MAN2C1: variants seen among roughly 807,000 people sequenced by gnomAD.
The protein encoded by MAN2C1 is mannosidase alpha class 2C member 1, also known as alpha-mannosidase 2C1.
MAN2C1 carries 111 observed loss-of-function variants against 126.9 expected under a neutral mutation model. That is an observed-to-expected ratio of 0.87 (90% CI 0.75 to 1.02). The LOEUF (loss-of-function observed/expected upper bound fraction) is 1.02, where lower values mean the gene tolerates loss of function less well. MAN2C1 is among the 50% of genes least tolerant of loss of function. MAN2C1 has a pLI of 0.00. For synonymous variants in MAN2C1, 567 were observed against 561.5 expected (o/e 1.01, Z -0.14); for missense variants, 1,363 against 1,364.4 (o/e 1.00, Z 0.02).
intron 1 of MAN2C1, 23 bp from the exon 2 acceptor site, chr15:75,368,221 C>T (rs2072625247): frequency 6.3e-7 from 1 of 1,589,836 alleles, no homozygotes; most frequent in Non-Finnish European, 8.5e-7. Flanking sequence ...GGCCGGTGGG[C>T]ACATGCTGGA....
Position 75,360,133 on chromosome 15 carries a change from C to T in MAN2C1, c.1663G>A (p.Ala555Thr). The T allele has an allele frequency of 1.9e-6, 3 of 1,613,802 alleles. No individual in the cohort carries two copies. Among genetic ancestry groups the T allele is most frequent in the Non-Finnish European group, 2.5e-6 (3 of 1,180,014 alleles). ...LLSSLALARS[A>T]QFLYPAAQLQ... ...TGGGCTGCTGGGTATAGGAACTGGG[C>T]ACTGCGGGCCAGGGCCAGGCTACTG... Residue 555 changes from alanine (A) to threonine (T), a missense_variant, in exon 14 of 26, where the codon GCC (alanine) becomes ACC (threonine). Physicochemically the swap from Ala to Thr is moderately conservative, Grantham distance 58. Coordinates refer to ENST00000267978, the MANE Select transcript of MAN2C1 (RefSeq NM_006715.4).
intron 6 of MAN2C1, chr15:75,363,302 T>C (rs1193650272): frequency 4.4e-6 from 2 of 455,960 alleles, no homozygotes; most frequent in Admixed American, 2.4e-5. Context: ...TTGTTAAAAA[T>C]GTGGATTTCC....
chr15:75,359,545 C>T (rs980966868), intron 16 of MAN2C1, 75 bp downstream of exon 16: 26 of 1,586,190 alleles, frequency 1.6e-5, no homozygotes, highest in African/African-American at 1.1e-4. Context: ...CCAGATCCCT[C>T]GGGGTATCCC....
chr15:75,367,896 T>C, intron 2 of MAN2C1, 177 bp downstream of exon 2: 1 of 994,918 alleles, frequency 1.0e-6, no homozygotes, highest in Non-Finnish European at 1.4e-6. Flanking sequence ...AACCATCCCC[T>C]GAAGACCCAG....
At chr15:75,357,220 T>G in intron 21 of MAN2C1, 1 of 254,112 alleles carries the variant, frequency 3.9e-6, no homozygotes, top group South Asian at 5.7e-5. Flanking sequence ...CTCGGCTCAC[T>G]GCAACCTCCG....
chr15:75,366,393 CAAT>C, intron 4 of MAN2C1, 126 bp downstream of exon 4: 2 of 753,178 alleles, frequency 2.7e-6, no homozygotes, highest in South Asian at 3.2e-5. Context: ...TAAAAGCAAA[CAAT>C]GAGATGTGAG....
In MAN2C1 at chr15:75,359,173, G is replaced by GA. The variant is rs755977592; in HGVS notation, c.2047-21dup. Reference sequence around the variant, plus strand: ...ATCAGTCTTTGTGGGAGGAGGCCTTGAGGCTGAGTCTGTAGGGGCTTCCCA... The same window carrying GA: ...ATCAGTCTTTGTGGGAGGAGGCCTTGAAGGCTGAGTCTGTAGGGGCTTCCCA... On this transcript the variant is annotated intron_variant, in intron 17 of 25. Coordinates refer to ENST00000267978, the MANE Select transcript of MAN2C1 (RefSeq NM_006715.4). 3 of 1,613,558 alleles carry GA rather than the reference G, an allele frequency of 1.9e-6. No individual in the cohort carries two copies. In the South Asian group the frequency reaches 3.3e-5, roughly 18 times the overall value.
rs967034486 is a variant in MAN2C1, at chr15:75,359,716, C to A, written c.1852G>T (p.Glu618Ter). ...SAAAAALCAG[E>*]PGPEGLLIVN... is the part of the protein sequence containing the mutation. ...ATGAGGAGGCCCTCAGGACCTGGCT[C>A]CCCAGCACACAGGGCTGCGGCTGCA... The change falls in exon 16 of 26, where the codon GAG (glutamate) becomes TAG (stop). Residue 618 changes from glutamate to a stop codon, truncating the protein, a stop_gained. Transcript: ENST00000267978. LOFTEE classifies it high-confidence loss of function. 6.2e-7 allele frequency: 1 copy of A among 1,614,128 alleles called. No individual in the cohort carries two copies. The highest frequency in any genetic ancestry group is 8.5e-7 in the Non-Finnish European group (1 of 1,180,030).
chr15:75,368,003 G>C (rs1260690153), intron 2 of MAN2C1, 70 bp downstream of exon 2: 1 of 1,516,408 alleles, frequency 6.6e-7, no homozygotes, highest in Non-Finnish European at 8.8e-7. Context: ...GACAACGAAG[G>C]TGTGGCTGGG....
At chr15:75,360,398 G>T (rs1183693041) in intron 13 of MAN2C1, 167 bp downstream of exon 13, 2 of 1,287,060 alleles carry the variant, frequency 1.6e-6, no homozygotes, top group African/African-American at 1.5e-5. Context: ...TTCTTCAGGG[G>T]TTTCTGCCTC....
In MAN2C1 at chr15:75,361,166, C is replaced by T. The variant is rs199648911; in HGVS notation, c.1340G>A (p.Arg447Gln). The T allele has an allele frequency of 1.8e-4, 286 of 1,612,968 alleles. No homozygotes were observed. The highest frequency in any genetic ancestry group is 2.2e-4 in the Non-Finnish European group (261 of 1,179,724). Residue 447 changes from arginine to glutamine, a missense_variant, in exon 12 of 26, where the codon CGG becomes CAG. This residue lies in a region of MAN2C1 where 628 missense variants were observed against 609.8 expected (regional missense o/e 1.03). Transcript: ENST00000267978. This position sits in a 1 kb window ranked among gnomAD's most constrained non-coding sequence, Gnocchi z 5.0. The part of the protein sequence containing the change: ...EEVLKTVANN[R>Q]DKGRANHSAF... ...ACTGTGGTTGGCCCGCCCCTTGTCC[C>T]GGTTGTTGGCCACGGTCTTCAGCAC...
In MAN2C1 at chr15:75,356,106, TCA is replaced by T; in HGVS notation, c.2996+2_2996+3del. On this transcript the variant is annotated splice_donor_variant and splice_donor_region_variant and intron_variant, in intron 25 of 25. Transcript: ENST00000267978. LOFTEE classifies it high-confidence loss of function. The surrounding 1 kb of genome is among the most constrained non-coding windows in gnomAD (Gnocchi z 5.8). ...CCCCGCCCCAATCCCACACCGCCAC[TCA>T]CAGGATGGCCTCCTGAACCGGCAGC... The T allele has an allele frequency of 6.2e-7, 1 of 1,613,820 alleles. No homozygotes were observed. Among genetic ancestry groups the T allele is most frequent in the Non-Finnish European group, 8.5e-7 (1 of 1,179,944 alleles).
chr15:75,359,696 G>T lies in MAN2C1; in HGVS notation c.1872C>A (p.Leu624=), dbSNP rs776437752. ...TCCAGGGCAGTGTGTTGACGATGAG[G>T]AGGCCCTCAGGACCTGGCTCCCCAG... ...LCAGEPGPEG[L]LIVNTLPWKR... Residue 624 remains leucine, a synonymous_variant, in exon 16 of 26, where the codon CTC becomes CTA. Transcript: ENST00000267978. The T allele has an allele frequency of 4.9e-5, 79 of 1,614,000 alleles. No homozygotes were observed. The Admixed American group carries it at 1.3e-3, about 27-fold the overall frequency.
At position 75,362,899 on chromosome 15, in the gene MAN2C1, C is replaced by A; in HGVS notation, c.791-151G>T. Reference sequence around the variant, plus strand: ...TCCCTCCTAAGTGGTCACTTCACTTCACTCCAGCGAGGTGGGAGGAGGGGC... The same window carrying A: ...TCCCTCCTAAGTGGTCACTTCACTTAACTCCAGCGAGGTGGGAGGAGGGGC... On this transcript the variant is annotated intron_variant, in intron 6 of 25. Transcript: ENST00000267978. This position sits in a 1 kb window ranked among gnomAD's most constrained non-coding sequence, Gnocchi z 4.5. 1.5e-6 allele frequency: 1 copy of A among 648,862 alleles called. No individual in the cohort carries two copies. The highest frequency in any genetic ancestry group is 2.6e-5 in the Admixed American group (1 of 39,036). 40.2% of individuals were successfully genotyped at this position (648,862 alleles called of 1,614,324 possible).
intron 21 of MAN2C1, among the ~76,000 whole-genome samples, chr15:75,357,564 T>C (rs369629289): frequency 1.4e-4 from 20 of 139,230 alleles, no homozygotes; most frequent in African/African-American, 2.4e-4. Flanking sequence ...ACCTCGGCCT[T>C]CCAAAGTGCT....
intron 4 of MAN2C1, among the ~76,000 whole-genome samples, chr15:75,365,260 G>C (rs777706965): frequency 4.6e-5 from 7 of 152,104 alleles, no homozygotes; most frequent in Non-Finnish European, 1.0e-4. Context: ...TTGTTGGCAA[G>C]GGCTATTTTA....
rs2072312335 is a variant in MAN2C1, at chr15:75,356,632, A to G, written c.2711T>C (p.Phe904Ser). ...CTTGTGCGGCATCAGTGCATAGGTG[A>G]ACTCGTGGCGCCCCGTGTCAGCAGT... Reference protein sequence around the residue: ...DATADTGRHEFTYALMPHKGS... With the variant: ...DATADTGRHESTYALMPHKGS... The change falls in exon 23 of 26, where the codon TTC becomes TCC. Residue 904 changes from phenylalanine (F) to serine (S), a missense_variant. Phe to Ser is a radical substitution (Grantham distance 155, BLOSUM62 -2). Coordinates refer to ENST00000267978, the MANE Select transcript of MAN2C1 (RefSeq NM_006715.4). The surrounding 1 kb of genome is among the most constrained non-coding windows in gnomAD (Gnocchi z 5.8). 6.4e-7 allele frequency: 1 copy of G among 1,567,502 alleles called. No individual in the cohort carries two copies. The highest frequency in any genetic ancestry group is 8.6e-7 in the Non-Finnish European group (1 of 1,156,596).
In MAN2C1 at chr15:75,361,596, C is replaced by T; in HGVS notation, c.1218+8G>A. ...ACTCTGACCCTGACCCCCCGGGGGC[C>T]TGCTTACTGGGAAGGAGTTCACCAA... On this transcript the variant is annotated splice_region_variant and intron_variant, in intron 10 of 25. Coordinates refer to ENST00000267978, the MANE Select transcript of MAN2C1 (RefSeq NM_006715.4). This position sits in a 1 kb window ranked among gnomAD's most constrained non-coding sequence, Gnocchi z 5.0. 6.2e-7 allele frequency: 1 copy of T among 1,610,178 alleles called. No individual in the cohort carries two copies. Among genetic ancestry groups the T allele is most frequent in the Non-Finnish European group, 8.5e-7 (1 of 1,176,610 alleles).
intron 4 of MAN2C1, among the ~76,000 whole-genome samples, chr15:75,364,882 G>C (rs918015953): frequency 1.3e-5 from 2 of 152,326 alleles, no homozygotes; most frequent in African/African-American, 4.8e-5. Context: ...AGAATAAGTA[G>C]CAAAGTTTGG....
Sources: allele counts gnomAD v4.1 joint callset (sites outside exome capture counted in the v4.1 genomes callset), GRCh38; gene constraint gnomAD v4.1.1; regional missense constraint gnomAD v4.1.1; non-coding constraint Gnocchi (gnomAD v3.1); transcripts MANE v1.5; gene names NCBI Gene and HGNC (gene_info 2026-07-23, HGNC 2026-07-21).